Variants in REDIC1 observed in about 807,000 individuals in gnomAD.
REDIC1 encodes HEI10 Interacting Protein 1.
At chr12:39,829,770 G>A in the REDIC1 span, 4 of 269,450 alleles carry the variant, frequency 1.5e-5, no homozygotes, top group East Asian at 1.7e-4. Context: ...AAGCTTGGGA[G>A]TTTGGAAATA....
chr12:39,862,796 T>C, the REDIC1 span, among the ~76,000 whole-genome samples: 2 of 152,154 alleles, frequency 1.3e-5, no homozygotes, highest in African/African-American at 4.8e-5. Flanking sequence ...TGTGTAATGA[T>C]CAAATCAGGG....
At chr12:39,743,157 T>C in the REDIC1 span, among the ~76,000 whole-genome samples, 1 of 152,174 alleles carries the variant, frequency 6.6e-6, no homozygotes, top group Non-Finnish European at 1.5e-5. Flanking sequence ...AGGCCTGTCC[T>C]CAAGAGAAAT....
the REDIC1 span, among the ~76,000 whole-genome samples, chr12:39,810,953 G>T: frequency 1.3e-5 from 2 of 152,050 alleles, no homozygotes; most frequent in Admixed American, 1.3e-4. Flanking sequence ...AATGAGTTGG[G>T]AAATTTCCCC....
At chr12:39,711,514 T>C in the REDIC1 span, among the ~76,000 whole-genome samples, 1 of 137,500 alleles carries the variant, frequency 7.3e-6, no homozygotes, top group Admixed American at 7.3e-5. Context: ...TATATGTGTA[T>C]ATATGTGTAT....
At chr12:39,764,660 T>C in the REDIC1 span, 2 of 1,581,534 alleles carry the variant, frequency 1.3e-6, no homozygotes, top group South Asian at 2.3e-5. Flanking sequence ...ATGTAAGAAA[T>C]TTGAAAAATT....
chr12:39,853,835 A>G, the REDIC1 span, among the ~76,000 whole-genome samples: 1 of 152,266 alleles, frequency 6.6e-6, no homozygotes, highest in East Asian at 1.9e-4. Context: ...AACTTTGGCC[A>G]CTAAATACCT....
the REDIC1 span, among the ~76,000 whole-genome samples, chr12:39,799,096 T>TTC: frequency 2.7e-5 from 4 of 147,726 alleles, no homozygotes; most frequent in African/African-American, 1.0e-4. Flanking sequence ...TTTTTTTTTT[T>TTC]AGACTCAGAG....
the REDIC1 span, among the ~76,000 whole-genome samples, chr12:39,814,093 C>T: frequency 1.3e-5 from 2 of 152,206 alleles, no homozygotes; most frequent in African/African-American, 2.4e-5. Flanking sequence ...TCACTTTTGC[C>T]CATACTCTTT....
chr12:39,776,038 T>C, the REDIC1 span, among the ~76,000 whole-genome samples: 4 of 152,338 alleles, frequency 2.6e-5, no homozygotes, highest in South Asian at 2.1e-4. Flanking sequence ...AGTATTAATT[T>C]GAGAAGATGG....
At chr12:39,835,103 G>A in the REDIC1 span, among the ~76,000 whole-genome samples, 8 of 152,168 alleles carry the variant, frequency 5.3e-5, no homozygotes, top group East Asian at 1.2e-3. Flanking sequence ...ATGCTCATAA[G>A]AATACTCTAA....
At chr12:39,698,922 C>A in the REDIC1 span, among the ~76,000 whole-genome samples, 2 of 152,102 alleles carry the variant, frequency 1.3e-5, no homozygotes, top group African/African-American at 4.8e-5. Flanking sequence ...AGCTATATAT[C>A]TTAAAGAACT....
the REDIC1 span, among the ~76,000 whole-genome samples, chr12:39,701,797 G>A: frequency 9.7e-4 from 148 of 151,840 alleles, no homozygotes; most frequent in Middle Eastern, 3.4e-3. Context: ...ACTCAAAACC[G>A]CTCAACTACA....
chr12:39,812,633 C>T, the REDIC1 span, among the ~76,000 whole-genome samples: 140 of 151,728 alleles, frequency 9.2e-4, no homozygotes, highest in Middle Eastern at 3.4e-3. Flanking sequence ...CGGCTACGCC[C>T]GGCTGATTTG....
the REDIC1 span, among the ~76,000 whole-genome samples, chr12:39,704,928 G>T: frequency 6.6e-6 from 1 of 152,074 alleles, no homozygotes; most frequent in Non-Finnish European, 1.5e-5. Flanking sequence ...GTTGTGGCGT[G>T]GGGGGAGGGA....
chr12:39,704,074 C>T, the REDIC1 span, among the ~76,000 whole-genome samples: 48 of 152,146 alleles, frequency 3.2e-4, no homozygotes, highest in East Asian at 4.4e-3. Context: ...TTGACAAATG[C>T]GATCTAATTA....
At chr12:39,705,955 G>A in the REDIC1 span, among the ~76,000 whole-genome samples, 1 of 151,966 alleles carries the variant, frequency 6.6e-6, no homozygotes, top group East Asian at 1.9e-4. Flanking sequence ...AAGTTCTACT[G>A]GAAGTTCTAT....
chr12:39,809,293 C>A, the REDIC1 span, among the ~76,000 whole-genome samples: 1 of 152,172 alleles, frequency 6.6e-6, no homozygotes, highest in African/African-American at 2.4e-5. Context: ...ACCAACATCA[C>A]ATTGTCTGGA....
chr12:39,688,607 T>A, the REDIC1 span, among the ~76,000 whole-genome samples: 2 of 152,094 alleles, frequency 1.3e-5, no homozygotes, highest in Admixed American at 1.3e-4. Flanking sequence ...TAAACAGAGA[T>A]CCACTAAACA....
the REDIC1 span, among the ~76,000 whole-genome samples, chr12:39,662,766 CATAG>C: frequency 6.6e-6 from 1 of 152,036 alleles, no homozygotes; most frequent in Non-Finnish European, 1.5e-5. Context: ...GTGGGCTTGT[CATAG>C]ATGACCTTTA....
Sources: allele counts gnomAD v4.1 joint callset (sites outside exome capture counted in the v4.1 genomes callset), GRCh38; gene constraint gnomAD v4.1.1; transcripts MANE v1.5; gene names NCBI Gene and HGNC (gene_info 2026-07-23, HGNC 2026-07-21).